The following SLC7A6 variants were observed in gnomAD, a reference collection of about 807,000 sequenced individuals.
The protein encoded by SLC7A6 is solute carrier family 7 member 6.
A neutral mutation model predicts 46.6 loss-of-function variants in SLC7A6; 29 were observed. The observed-to-expected ratio is 0.62, with a 90% CI of 0.46 to 0.85. The LOEUF (loss-of-function observed/expected upper bound fraction) is 0.85, where lower values mean the gene tolerates loss of function less well. Among genes scored for constraint, SLC7A6 ranks in the 40% least tolerant of loss-of-function variants. The pLI is 0.00. For missense variants in SLC7A6, 527 were observed against 647.6 expected (o/e 0.81, Z 2.02); for synonymous variants, 276 against 257.3 (o/e 1.07, Z -0.70).
Position 68,291,652 on chromosome 16 carries a change from C to T in SLC7A6, c.1013C>T (p.Ala338Val), listed in dbSNP as rs774241176. ...CFGGLNASIF[A>V]SSRLFFVGSR... ...GGGGGCCTCAATGCATCCATCTTTG[C>T]TTCATCAAGGTACTGTGTCTCTGTG... Residue 338 changes from alanine (A) to valine (V), a missense_variant, in exon 7 of 11, where the codon GCT becomes GTT. Transcript: ENST00000219343. 1 of 1,613,720 alleles carries T rather than the reference C, an allele frequency of 6.2e-7. No individual in the cohort carries two copies. Among genetic ancestry groups the T allele is most frequent in the Non-Finnish European group, 8.5e-7 (1 of 1,179,700 alleles).
chr16:68,289,084 G>T (rs901579489), intron 4 of SLC7A6, among the ~76,000 whole-genome samples: 1 of 151,858 alleles, frequency 6.6e-6, no homozygotes, highest in African/African-American at 2.4e-5. Context: ...CTGAGGTCAG[G>T]AGTTTGAGAC....
intron 4 of SLC7A6, among the ~76,000 whole-genome samples, chr16:68,289,707 T>C (rs2043008434): frequency 6.6e-6 from 1 of 152,090 alleles, no homozygotes; most frequent in Non-Finnish European, 1.5e-5. Context: ...GTGTCTGCAG[T>C]CTCTGAGGCC....
At chr16:68,291,815 TG>T (rs2043059618) in intron 7 of SLC7A6, 154 bp downstream of exon 7, 1 of 544,630 alleles carries the variant, frequency 1.8e-6, no homozygotes, top group African/African-American at 2.3e-5. Flanking sequence ...TATGTGGGCA[TG>T]TACTTGCCTT....
rs2042968336 is a variant in SLC7A6 at position 68,287,788 on chromosome 16, C to T, written c.566C>T (p.Thr189Ile). The T allele has an allele frequency of 1.9e-6, 3 of 1,614,106 alleles. No homozygotes were observed. The highest frequency in any genetic ancestry group is 2.2e-5 in the East Asian group (1 of 44,892). The stretch of plus-strand genomic sequence containing the variant: ...AACTGTGCCTATGTCAAGTGGGGCA[C>T]ACGTGTGCAGGACACGTTCACTTAC... ...FVNCAYVKWG[T>I]RVQDTFTYAK... The change falls in exon 4 of 11, where the codon ACA becomes ATA. Residue 189 changes from threonine to isoleucine, a missense_variant. Physicochemically the swap from Thr to Ile is moderately conservative, Grantham distance 89. Coordinates refer to ENST00000219343, the MANE Select transcript of SLC7A6 (RefSeq NM_003983.6).
chr16:68,269,351 T>C (rs997931556), intron 2 of SLC7A6, among the ~76,000 whole-genome samples: 2 of 152,208 alleles, frequency 1.3e-5, no homozygotes, highest in Non-Finnish European at 2.9e-5. Context: ...AGATACCGTG[T>C]GTGGAACAGT....
At chr16:68,281,794 TG>T (rs1187767608) in intron 3 of SLC7A6, among the ~76,000 whole-genome samples, 10 of 152,246 alleles carry the variant, frequency 6.6e-5, no homozygotes, top group African/African-American at 2.4e-4. Flanking sequence ...TTGTGGGCTT[TG>T]ACCTCGGGAT....
intron 3 of SLC7A6, chr16:68,284,681 C>T: frequency 2.0e-6 from 2 of 984,432 alleles, no homozygotes; most frequent in African/African-American, 1.7e-5. Context: ...GTATCAGCTT[C>T]TCTTCCCCTT....
At chr16:68,280,219 T>C (rs1445408995) in intron 3 of SLC7A6, among the ~76,000 whole-genome samples, 1 of 152,128 alleles carries the variant, frequency 6.6e-6, no homozygotes, top group African/African-American at 2.4e-5. Flanking sequence ...AAGACTTCGG[T>C]AGGATAGGAG....
At chr16:68,287,095 A>G (rs1443742938) in intron 3 of SLC7A6, among the ~76,000 whole-genome samples, 3 of 148,414 alleles carry the variant, frequency 2.0e-5, no homozygotes, top group Non-Finnish European at 3.0e-5. Context: ...CTCCCTCCTC[A>G]GCCTCCTGAG....
chr16:68,280,801 C>G (rs1457747914), intron 3 of SLC7A6, among the ~76,000 whole-genome samples: 4 of 151,674 alleles, frequency 2.6e-5, no homozygotes, highest in African/African-American at 9.7e-5. Context: ...GTGGCGCGAT[C>G]TCGGCTCACT....
In SLC7A6 at chr16:68,299,444, T is replaced by C. The variant is rs2043230629; in HGVS notation, c.*2116T>C. 1 of 152,630 alleles carries C rather than the reference T, an allele frequency of 6.6e-6. No homozygotes were observed. Among genetic ancestry groups the C allele is most frequent in the African/African-American group, 2.4e-5 (1 of 41,436 alleles). 9.5% of individuals were successfully genotyped at this position (152,630 alleles called of 1,614,324 possible). On this transcript the variant is annotated 3_prime_UTR_variant, in exon 11 of 11. Transcript: ENST00000219343. ...TTTCCCCTCTGTGCTGGATACAGACTTCTCCCAGGATCCTCTCTTTGGGAG... is the reference window on the plus strand; with the variant it reads ...TTTCCCCTCTGTGCTGGATACAGACCTCTCCCAGGATCCTCTCTTTGGGAG...
In SLC7A6 at chr16:68,297,283, G is replaced by A. The variant is rs756774652; in HGVS notation, c.1503G>A (p.Glu501=). The A allele has an allele frequency of 6.2e-7, 1 of 1,614,188 alleles. No homozygotes were observed. The highest frequency in any genetic ancestry group is 8.5e-7 in the Non-Finnish European group (1 of 1,180,016). Residue 501 remains glutamate, a synonymous_variant, in exon 11 of 11, where the codon GAG becomes GAA. Transcript: ENST00000219343. The stretch of plus-strand genomic sequence containing the variant: ...AGCTTTGCTTTTGTGTCCTGACTGA[G>A]CTTGATGTAGCCGAAGAAAAAAAGG... ...TQQLCFCVLT[E]LDVAEEKKDE... is the part of the protein sequence containing the mutation.
chr16:68,284,360 G>T (rs140628637), intron 3 of SLC7A6: 1 of 152,082 alleles, frequency 6.6e-6, no homozygotes, highest in Non-Finnish European at 1.5e-5. Context: ...GTATGTTCAC[G>T]GTAAACCATG....
intron 7 of SLC7A6, 101 bp from the exon 8 acceptor site, chr16:68,294,604 C>T: frequency 1.2e-6 from 1 of 836,546 alleles, no homozygotes; most frequent in South Asian, 1.5e-5. Context: ...CTGCATCCTG[C>T]TTTCCTCGGG....
intron 2 of SLC7A6, among the ~76,000 whole-genome samples, chr16:68,274,450 T>C (rs2042673760): frequency 6.6e-6 from 1 of 152,166 alleles, no homozygotes; most frequent in Non-Finnish European, 1.5e-5. Context: ...GGACAGGTAT[T>C]TGTCATCAGA....
At chr16:68,290,625 C>A in intron 5 of SLC7A6, 85 bp downstream of exon 5, 1 of 1,473,394 alleles carries the variant, frequency 6.8e-7, no homozygotes, top group Non-Finnish European at 9.4e-7. Flanking sequence ...CCTTCTCCTC[C>A]TCCCTCCGAC....
chr16:68,278,342 T>TTC (rs2042757072), intron 3 of SLC7A6, among the ~76,000 whole-genome samples: 2 of 151,886 alleles, frequency 1.3e-5, no homozygotes, highest in African/African-American at 4.8e-5. Context: ...TCTTGGGTGT[T>TTC]TCTCGCAGAG....
chr16:68,273,576 G>T (rs2042658264), intron 2 of SLC7A6, among the ~76,000 whole-genome samples: 8 of 152,156 alleles, frequency 5.3e-5, no homozygotes, highest in Admixed American at 5.2e-4. Flanking sequence ...AACATGAGGG[G>T]CATGCTGGGG....
intron 4 of SLC7A6, among the ~76,000 whole-genome samples, chr16:68,289,812 A>T (rs922935249): frequency 6.6e-6 from 1 of 152,102 alleles, no homozygotes; most frequent in African/African-American, 2.4e-5. Context: ...ATAGCATGTC[A>T]TCTCCCCCAT....
Sources: allele counts gnomAD v4.1 joint callset (sites outside exome capture counted in the v4.1 genomes callset), GRCh38; gene constraint gnomAD v4.1.1; transcripts MANE v1.5; gene names NCBI Gene and HGNC (gene_info 2026-07-23, HGNC 2026-07-21).